ADAM29: variants seen among roughly 807,000 people sequenced by gnomAD.
ADAM29 encodes the protein disintegrin and metalloproteinase domain-containing protein 29.
For missense variants in ADAM29, 969 were observed against 1,001.8 expected (o/e 0.97, Z 0.44); for synonymous variants, 367 against 342.3 (o/e 1.07, Z -0.80).
chr4:174,926,774 A>G (rs1743546195), intron 2 of ADAM29, among the ~76,000 whole-genome samples: 1 of 151,262 alleles, frequency 6.6e-6, no homozygotes. Context: ...CTGTTTCCCC[A>G]GTTTCAATTT....
intron 2 of ADAM29, among the ~76,000 whole-genome samples, chr4:174,928,569 T>TTAA (rs761103217): frequency 4.6e-5 from 6 of 131,832 alleles, no homozygotes; most frequent in Admixed American, 8.0e-5. Context: ...GTCATGTGCT[T>TTAA]AAAAAAAAAA....
chr4:174,955,729 A>G (rs1339666523), intron 4 of ADAM29, among the ~76,000 whole-genome samples: 2 of 152,076 alleles, frequency 1.3e-5, no homozygotes, highest in African/African-American at 4.8e-5. Flanking sequence ...TATATTAAGT[A>G]CAAAGTTGCA....
intron 1 of ADAM29, among the ~76,000 whole-genome samples, chr4:174,918,706 C>T (rs538072416): frequency 6.6e-6 from 1 of 151,468 alleles, no homozygotes; most frequent in East Asian, 1.9e-4. Context: ...AGAAATGAAT[C>T]ATGAAACTTT....
At chr4:174,933,130 A>C (rs1560864075) in intron 3 of ADAM29, among the ~76,000 whole-genome samples, 1 of 152,172 alleles carries the variant, frequency 6.6e-6, no homozygotes, top group Non-Finnish European at 1.5e-5. Flanking sequence ...ATTGGACCAT[A>C]AAGTTAGTGA....
In ADAM29 at chr4:174,976,349, A is replaced by C. The variant is rs561811409; in HGVS notation, c.824A>C (p.Glu275Ala). Residue 275 changes from glutamate to alanine, a missense_variant, in exon 5 of 5, where the codon GAG becomes GCG. Coordinates refer to ENST00000359240, the MANE Select transcript of ADAM29 (RefSeq NM_014269.4). ...SVHLYCKWKSENITPRMQHDT... is the reference protein window; with the variant it reads ...SVHLYCKWKSANITPRMQHDT... ...CACCTGTATTGCAAGTGGAAGTCGGAGAACATTACGCCCCGGATGCAACAT... is the reference window on the plus strand; with the variant it reads ...CACCTGTATTGCAAGTGGAAGTCGGCGAACATTACGCCCCGGATGCAACAT... 7.5e-6 allele frequency: 12 copies of C among 1,609,332 alleles called. No homozygotes were observed. The East Asian group carries it at 2.7e-4, about 36-fold the overall frequency.
chr4:174,948,556 T>C (rs1459021292), intron 4 of ADAM29, among the ~76,000 whole-genome samples: 1 of 152,138 alleles, frequency 6.6e-6, no homozygotes, highest in African/African-American at 2.4e-5. Flanking sequence ...GAGGTTTTCC[T>C]GGTACACTAG....
Position 174,920,899 on chromosome 4 carries a change from T to G in ADAM29, c.-451+107T>G, listed in dbSNP as rs1168437882. On this transcript the variant is annotated intron_variant, in intron 2 of 4. Coordinates refer to ENST00000359240, the MANE Select transcript of ADAM29 (RefSeq NM_014269.4). ...ATAACTCTAATGGTTCCTAAGAAGT[T>G]GACTATTATCAAGGTGGATATCAGT... The G allele has an allele frequency of 3.9e-5, 6 of 152,108 alleles. No homozygotes were observed. The East Asian group carries it at 1.2e-3, about 29-fold the overall frequency. 9.4% of individuals were successfully genotyped at this position (152,108 alleles called of 1,614,324 possible). A position where few individuals can be genotyped will look rare whatever the true frequency, so the allele number is the denominator to read the frequency against.
chr4:174,923,241 T>C (rs561339070), intron 2 of ADAM29, among the ~76,000 whole-genome samples: 1 of 151,726 alleles, frequency 6.6e-6, no homozygotes, highest in African/African-American at 2.4e-5. Flanking sequence ...ATTTTTAGTA[T>C]AGACGGGATT....
At chr4:174,957,674 AG>A (rs1245732582) in intron 4 of ADAM29, among the ~76,000 whole-genome samples, 1 of 151,724 alleles carries the variant, frequency 6.6e-6, no homozygotes, top group Non-Finnish European at 1.5e-5. Context: ...TAATAGATAG[AG>A]GGCTGTTTGG....
chr4:174,933,682 A>C (rs940577706), intron 3 of ADAM29, among the ~76,000 whole-genome samples: 1 of 152,076 alleles, frequency 6.6e-6, no homozygotes, highest in Non-Finnish European at 1.5e-5. Context: ...TTGTGTCCAT[A>C]TGTTCTCATC....
chr4:174,943,541 C>T (rs140663329), intron 4 of ADAM29, among the ~76,000 whole-genome samples: 270 of 152,234 alleles, frequency 1.8e-3, no homozygotes, highest in African/African-American at 6.0e-3. Context: ...GGAGGATCAT[C>T]GCTTTCCATC....
chr4:174,963,227 G>A (rs930124457), intron 4 of ADAM29, among the ~76,000 whole-genome samples: 5 of 152,136 alleles, frequency 3.3e-5, no homozygotes, highest in African/African-American at 1.2e-4. Flanking sequence ...GGGTGAGGGG[G>A]ACAAATCTGG....
At chr4:174,923,701 A>G (rs1314889170) in intron 2 of ADAM29, 6 of 151,940 alleles carry the variant, frequency 3.9e-5, no homozygotes, top group Non-Finnish European at 7.4e-5. Flanking sequence ...TTCCTTGTGC[A>G]TGAAGTATTC....
chr4:174,959,128 A>C (rs1023183793), intron 4 of ADAM29, among the ~76,000 whole-genome samples: 4 of 151,726 alleles, frequency 2.6e-5, no homozygotes, highest in African/African-American at 9.7e-5. Context: ...TTCCGGAAAA[A>C]CTTTTTTTAA....
Position 174,964,319 on chromosome 4 carries a change from A to G in ADAM29, c.-180-11027A>G, listed in dbSNP as rs545491064. On this transcript the variant is annotated intron_variant, in intron 4 of 4. Transcript: ENST00000359240. ...AAAACCATGTAAGGCCCCAGTCAGAAGACAGCCATCTACAAGCCAAGTGGG... is the reference window on the plus strand; with the variant it reads ...AAAACCATGTAAGGCCCCAGTCAGAGGACAGCCATCTACAAGCCAAGTGGG... Among the ~76,000 whole-genome samples, 150 of 152,222 alleles carry G rather than the reference A, an allele frequency of 9.9e-4. 2 individuals carry two copies. Among genetic ancestry groups the G allele is most frequent in the African/African-American group, 3.3e-3 (136 of 41,502 alleles).
At chr4:174,972,362 C>G (rs1746525547) in intron 4 of ADAM29, among the ~76,000 whole-genome samples, 1 of 152,160 alleles carries the variant, frequency 6.6e-6, no homozygotes, top group South Asian at 2.1e-4. Context: ...AGATTCTAGT[C>G]CTTCTAATAA....
intron 3 of ADAM29, among the ~76,000 whole-genome samples, chr4:174,934,706 A>G (rs1237972851): frequency 6.6e-6 from 1 of 152,142 alleles, no homozygotes; most frequent in Non-Finnish European, 1.5e-5. Context: ...GGGGTTTCCC[A>G]TCTTCCGCAG....
intron 2 of ADAM29, among the ~76,000 whole-genome samples, chr4:174,924,672 C>A (rs1743392102): frequency 6.6e-6 from 1 of 152,032 alleles, no homozygotes; most frequent in Admixed American, 6.6e-5. Context: ...ATGGATGAAC[C>A]TGAAGTGCAT....
At chr4:174,946,877 C>A (rs547466113) in intron 4 of ADAM29, among the ~76,000 whole-genome samples, 4 of 152,060 alleles carry the variant, frequency 2.6e-5, no homozygotes, top group African/African-American at 9.7e-5. Flanking sequence ...TGGTCCTGAG[C>A]TTTTTCTGGT....
Sources: allele counts gnomAD v4.1 joint callset (sites outside exome capture counted in the v4.1 genomes callset), GRCh38; gene constraint gnomAD v4.1.1; transcripts MANE v1.5; gene names NCBI Gene and HGNC (gene_info 2026-07-23, HGNC 2026-07-21).